The following ABAT variants were observed in gnomAD, a reference collection of about 807,000 sequenced individuals.
ABAT encodes the protein 4-aminobutyrate aminotransferase, also known as 4-aminobutyrate aminotransferase, mitochondrial.
A neutral mutation model predicts 64.6 loss-of-function variants in ABAT; 45 were observed. The observed-to-expected ratio is 0.70, with a 90% CI of 0.55 to 0.89. The LOEUF (loss-of-function observed/expected upper bound fraction) is 0.89, where lower values mean the gene tolerates loss of function less well. Ranked by LOEUF, ABAT falls within the 40% of genes least tolerant of loss-of-function variation. The probability of loss-of-function intolerance (pLI) is 0.00; values close to 1 mark genes in which losing one functional copy is unlikely to be tolerated. For missense variants in ABAT, 633 were observed against 658.4 expected (o/e 0.96, Z 0.42); for synonymous variants, 297 against 250.5 (o/e 1.19, Z -1.75).
intron 2 of ABAT, chr16:8,737,608 C>G (rs1015974632): frequency 6.6e-6 from 1 of 151,830 alleles, no homozygotes; most frequent in Non-Finnish European, 1.5e-5. Flanking sequence ...CTTACATCAC[C>G]AAGATGCAGT....
In ABAT at chr16:8,732,950, G is replaced by A. The variant is rs1286974760; in HGVS notation, c.-41-2749G>A. On this transcript the variant is annotated intron_variant, in intron 1 of 15. Coordinates refer to ENST00000268251, the MANE Select transcript of ABAT (RefSeq NM_020686.6). The stretch of plus-strand genomic sequence containing the variant: ...GGGCTGACCCCCCTACCTCCCTCCC[G>A]GACGGGGCGGCTGGCCGGGCGGGGG... Among the ~76,000 whole-genome samples the A allele has an allele frequency of 2.7e-5, 4 of 148,870 alleles. 1 individual carries two copies. The highest frequency in any genetic ancestry group is 4.2e-4 in the South Asian group (2 of 4,792).
At chr16:8,696,787 C>A (rs778819299) in intron 1 of ABAT, among the ~76,000 whole-genome samples, 4 of 152,120 alleles carry the variant, frequency 2.6e-5, no homozygotes, top group African/African-American at 9.7e-5. Flanking sequence ...ATTGGAGAAG[C>A]CTGGTCTTGG....
intron 1 of ABAT, among the ~76,000 whole-genome samples, chr16:8,717,309 T>G (rs1038964369): frequency 6.6e-6 from 1 of 152,164 alleles, no homozygotes; most frequent in Non-Finnish European, 1.5e-5. Context: ...TAATAATAAC[T>G]ATATTGATTA....
At chr16:8,743,156 T>G (rs576148297) in intron 2 of ABAT, among the ~76,000 whole-genome samples, 1 of 151,664 alleles carries the variant, frequency 6.6e-6, no homozygotes, top group East Asian at 1.9e-4. Context: ...AGTGCTGTAT[T>G]TTAACGGTAC....
chr16:8,723,982 A>G (rs1483477695), intron 1 of ABAT, among the ~76,000 whole-genome samples: 2 of 151,374 alleles, frequency 1.3e-5, no homozygotes, highest in Admixed American at 1.3e-4. Context: ...CTGGGATTAC[A>G]GGTGCACGCC....
At chr16:8,765,913 C>A in intron 8 of ABAT, 1 of 385,974 alleles carries the variant, frequency 2.6e-6, no homozygotes, top group Non-Finnish European at 5.0e-6. Flanking sequence ...TTTGAGCCCG[C>A]ACATCTGGCC....
intron 2 of ABAT, among the ~76,000 whole-genome samples, chr16:8,738,008 GAAAGA>G (rs796385472): frequency 5.0e-5 from 6 of 120,148 alleles, no homozygotes; most frequent in Non-Finnish European, 8.6e-5. Flanking sequence ...AAGAAAGAAA[GAAAGA>G]AAGGAAAGAA....
chr16:8,713,732 A>G (rs2058132490), intron 1 of ABAT: 1 of 383,344 alleles, frequency 2.6e-6, no homozygotes, highest in African/African-American at 2.1e-5. Context: ...CCTCCTGAGG[A>G]GGGAGCTGGT....
At chr16:8,778,776 C>CAAAA (rs71152934) in intron 14 of ABAT, among the ~76,000 whole-genome samples, 18 of 133,682 alleles carry the variant, frequency 1.3e-4, no homozygotes, top group African/African-American at 3.9e-4. Context: ...GACTCCATCT[C>CAAAA]AAAAAAAAAA....
At chr16:8,685,536 C>T (rs747287249) in intron 1 of ABAT, among the ~76,000 whole-genome samples, 5 of 151,348 alleles carry the variant, frequency 3.3e-5, no homozygotes, top group African/African-American at 9.7e-5. Flanking sequence ...ATTAGCCTGG[C>T]GTGGCAGCCT....
intron 10 of ABAT, among the ~76,000 whole-genome samples, 196 bp from the exon 11 acceptor site, chr16:8,768,629 C>T (rs2060014169): frequency 6.6e-6 from 1 of 152,110 alleles, no homozygotes; most frequent in Non-Finnish European, 1.5e-5. Context: ...ATCTCATGTA[C>T]TCCCCAAGTA....
In ABAT at chr16:8,782,184, A is replaced by C. The variant is rs1208518939; in HGVS notation, c.*754A>C. Reference sequence around the variant, plus strand: ...TCCCCAAACTCCCTCCTCCCTGTTAAATGTCAACCTAGACCTGGACCTGGG... The same window carrying C: ...TCCCCAAACTCCCTCCTCCCTGTTACATGTCAACCTAGACCTGGACCTGGG... On this transcript the variant is annotated 3_prime_UTR_variant, in exon 16 of 16. Coordinates refer to ENST00000268251, the MANE Select transcript of ABAT (RefSeq NM_020686.6). 3 of 153,150 alleles carry C rather than the reference A, an allele frequency of 2.0e-5. No homozygotes were observed. The highest frequency in any genetic ancestry group is 4.4e-5 in the Non-Finnish European group (3 of 68,820). The allele number at this position is 153,150 out of a possible 1,614,324, so 9.5% of individuals were successfully genotyped here. A position where few individuals can be genotyped will look rare whatever the true frequency, so the allele number is the denominator to read the frequency against.
intron 1 of ABAT, among the ~76,000 whole-genome samples, chr16:8,690,072 C>T (rs1596400553): frequency 6.6e-6 from 1 of 152,196 alleles, no homozygotes; most frequent in Non-Finnish European, 1.5e-5. Context: ...ATGGCAACCC[C>T]TGGAGTGACA....
chr16:8,681,641 CTTTTTTT>C (rs35141742), intron 1 of ABAT, among the ~76,000 whole-genome samples: 1 of 127,738 alleles, frequency 7.8e-6, no homozygotes. Flanking sequence ...TGACTGCTAT[CTTTTTTT>C]TTTTTTTTTT....
intron 2 of ABAT, chr16:8,736,908 G>GATATAA (rs1180250465): frequency 2.0e-5 from 3 of 152,312 alleles, no homozygotes; most frequent in Middle Eastern, 6.8e-3. Flanking sequence ...CATGCCCCGA[G>GATATAA]AGTGGCCTCC....
At chr16:8,770,722 T>C (rs1390610007) in intron 11 of ABAT, among the ~76,000 whole-genome samples, 1 of 152,216 alleles carries the variant, frequency 6.6e-6, no homozygotes, top group Non-Finnish European at 1.5e-5. Context: ...ATTACAGGTG[T>C]GAGCCACCGT....
intron 1 of ABAT, chr16:8,713,946 T>C (rs1200157728): frequency 2.2e-6 from 1 of 455,646 alleles, no homozygotes; most frequent in East Asian, 6.9e-5. Flanking sequence ...GTGGTGCCAG[T>C]GTCTGTCAGT....
chr16:8,744,001 C>A lies in ABAT; in HGVS notation c.71-2000C>A, dbSNP rs189286629. On this transcript the variant is annotated intron_variant, in intron 2 of 15. Transcript: ENST00000268251. ...TCAGCAAGGCTTGGGCTTGAGCTACCCTTTGTGTTTCAGCAACATGTGGAG... is the reference window on the plus strand; with the variant it reads ...TCAGCAAGGCTTGGGCTTGAGCTACACTTTGTGTTTCAGCAACATGTGGAG... 2.3e-3 allele frequency among the ~76,000 whole-genome samples: 350 copies of A among 152,242 alleles called. 2 individuals are homozygous for A. The highest frequency in any genetic ancestry group is 7.9e-3 in the African/African-American group (330 of 41,552).
At chr16:8,725,202 C>T (rs2058512774) in intron 1 of ABAT, among the ~76,000 whole-genome samples, 1 of 152,238 alleles carries the variant, frequency 6.6e-6, no homozygotes, top group South Asian at 2.1e-4. Flanking sequence ...AGGCGTGAGC[C>T]AGCGCGCCTG....
Sources: allele counts gnomAD v4.1 joint callset (sites outside exome capture counted in the v4.1 genomes callset), GRCh38; gene constraint gnomAD v4.1.1; transcripts MANE v1.5; gene names NCBI Gene and HGNC (gene_info 2026-07-23, HGNC 2026-07-21).